PDE4D: variants seen among roughly 807,000 people sequenced by gnomAD.
PDE4D encodes the protein phosphodiesterase 4D, also known as 3',5'-cyclic-AMP phosphodiesterase 4D.
PDE4D carries 24 observed loss-of-function variants against 87.4 expected under a neutral mutation model. The observed-to-expected ratio is 0.27, with a 90% CI of 0.20 to 0.39. PDE4D has a LOEUF of 0.39. Ranked by LOEUF, PDE4D falls within the 10% of genes least tolerant of loss-of-function variation. The pLI, the probability that PDE4D is intolerant of heterozygous loss-of-function variation, is 1.00. For synonymous variants in PDE4D, 384 were observed against 383.2 expected (o/e 1.00, Z -0.02); for missense variants, 714 against 1,041.0 (o/e 0.69, Z 4.32).
At chr5:59,719,720 T>C (rs1212700536) in intron 1 of PDE4D, among the ~76,000 whole-genome samples, 2 of 152,222 alleles carry the variant, frequency 1.3e-5, no homozygotes, top group Admixed American at 1.3e-4. Flanking sequence ...GCTAAGGCTT[T>C]ATTAATACAA....
chr5:60,320,432 G>T lies in PDE4D; in HGVS notation c.-89-134745C>A, dbSNP rs143373655. On this transcript the variant is annotated intron_variant, in intron 1 of 16. Transcript: ENST00000502484. ...ATTCCCTGACCCCTTATGCTTCCTG[G>T]GTGAGGTGATGCCTCGCCCTGCTTT... 7.4e-4 allele frequency among the ~76,000 whole-genome samples: 112 copies of T among 152,248 alleles called. 2 individuals carry two copies. The East Asian group carries it at 0.021, about 29-fold the overall frequency.
chr5:59,458,291 AC>A (rs1455582206), intron 1 of PDE4D, among the ~76,000 whole-genome samples: 2 of 152,254 alleles, frequency 1.3e-5, no homozygotes, highest in African/African-American at 2.4e-5. Flanking sequence ...CATGTCTTGC[AC>A]ATCATAAGCC....
intron 1 of PDE4D, among the ~76,000 whole-genome samples, chr5:60,512,104 T>C (rs1214695572): frequency 6.6e-6 from 1 of 152,090 alleles, no homozygotes; most frequent in East Asian, 1.9e-4. Flanking sequence ...GGAAAACACA[T>C]ACAAGGCAGG....
chr5:59,424,892 C>T (rs6861842), intron 1 of PDE4D, among the ~76,000 whole-genome samples: 1 of 152,182 alleles, frequency 6.6e-6, no homozygotes, highest in Non-Finnish European at 1.5e-5. Context: ...ACCAGGCCAA[C>T]AGGATGGTCG....
At chr5:60,500,237 G>C (rs1057106894) in intron 1 of PDE4D, among the ~76,000 whole-genome samples, 1 of 152,064 alleles carries the variant, frequency 6.6e-6, no homozygotes, top group African/African-American at 2.4e-5. Context: ...CCAAAAGGTC[G>C]AGGCTGCAGT....
intron 2 of PDE4D, among the ~76,000 whole-genome samples, chr5:60,047,601 A>G (rs1216673190): frequency 1.3e-5 from 2 of 151,980 alleles, no homozygotes; most frequent in Non-Finnish European, 2.9e-5. Flanking sequence ...GAACATCTTA[A>G]TTTCTGCCTT....
At chr5:59,919,686 T>G (rs1190091375) in intron 3 of PDE4D, among the ~76,000 whole-genome samples, 2 of 152,206 alleles carry the variant, frequency 1.3e-5, no homozygotes, top group Non-Finnish European at 1.5e-5. Flanking sequence ...TTCTTCCTTC[T>G]TGTGGGAAAG....
chr5:59,038,578 A>G (rs1758973852), intron 6 of PDE4D, among the ~76,000 whole-genome samples: 2 of 152,132 alleles, frequency 1.3e-5, no homozygotes, highest in Non-Finnish European at 1.5e-5. Context: ...CATGGACCCT[A>G]CTGGGTTTCT....
chr5:59,513,735 G>A (rs1309106030), intron 1 of PDE4D, among the ~76,000 whole-genome samples: 1 of 152,130 alleles, frequency 6.6e-6, no homozygotes, highest in Non-Finnish European at 1.5e-5. Flanking sequence ...GAAAAACCAT[G>A]AAACAATGTG....
At chr5:59,679,045 G>A (rs1042183130) in intron 1 of PDE4D, among the ~76,000 whole-genome samples, 1 of 152,108 alleles carries the variant, frequency 6.6e-6, no homozygotes, top group African/African-American at 2.4e-5. Context: ...AGAAGACTTA[G>A]AGACAGTCTT....
chr5:59,842,583 G>T (rs1455612539), intron 1 of PDE4D, among the ~76,000 whole-genome samples: 1 of 151,992 alleles, frequency 6.6e-6, no homozygotes, highest in Non-Finnish European at 1.5e-5. Context: ...ATTATGTAAA[G>T]ATAGTTGAAT....
intron 1 of PDE4D, among the ~76,000 whole-genome samples, chr5:59,582,614 A>C (rs1824372157): frequency 6.6e-6 from 1 of 152,194 alleles, no homozygotes; most frequent in African/African-American, 2.4e-5. Flanking sequence ...AAACAGAATA[A>C]AACAGTATGA....
At chr5:60,271,344 G>A (rs1167093453) in intron 1 of PDE4D, among the ~76,000 whole-genome samples, 1 of 152,006 alleles carries the variant, frequency 6.6e-6, no homozygotes, top group Non-Finnish European at 1.5e-5. Flanking sequence ...AGTCCAATTT[G>A]GTTATATTTT....
intron 3 of PDE4D, 85 bp downstream of exon 3, chr5:59,193,415 A>T: frequency 2.5e-6 from 3 of 1,205,614 alleles, no homozygotes; most frequent in African/African-American, 1.5e-5. Flanking sequence ...ATTTAAAATT[A>T]AATTAAATTA....
At chr5:60,122,182 T>C (rs1159870820) in intron 2 of PDE4D, among the ~76,000 whole-genome samples, 1 of 152,208 alleles carries the variant, frequency 6.6e-6, no homozygotes, top group South Asian at 2.1e-4. Context: ...GCGTTGAGTA[T>C]CTGTGGCTTT....
At chr5:59,164,386 T>C (rs1781581907) in intron 5 of PDE4D, among the ~76,000 whole-genome samples, 1 of 152,252 alleles carries the variant, frequency 6.6e-6, no homozygotes, top group Admixed American at 6.5e-5. Flanking sequence ...AAAAAATGTT[T>C]ATTCAAGAAC....
intron 1 of PDE4D, among the ~76,000 whole-genome samples, chr5:59,741,347 TTTCTG>T (rs1758804641): frequency 6.6e-6 from 1 of 152,184 alleles, no homozygotes; most frequent in African/African-American, 2.4e-5. Context: ...CTGCCTTGTC[TTTCTG>T]TTCTTTTTAA....
chr5:59,380,405 A>AAAAAAAAAAG (rs1554148718), intron 1 of PDE4D, among the ~76,000 whole-genome samples: 2 of 137,920 alleles, frequency 1.5e-5, no homozygotes. Context: ...AAAAAAAAAA[A>AAAAAAAAAAG]AGAGAGAGAA....
chr5:60,314,934 C>T (rs978909493), intron 1 of PDE4D, among the ~76,000 whole-genome samples: 1 of 152,086 alleles, frequency 6.6e-6, no homozygotes, highest in African/African-American at 2.4e-5. Context: ...GTGAATAGTG[C>T]CTCAATAAAC....
Sources: allele counts gnomAD v4.1 joint callset (sites outside exome capture counted in the v4.1 genomes callset), GRCh38; gene constraint gnomAD v4.1.1; transcripts MANE v1.5; gene names NCBI Gene and HGNC (gene_info 2026-07-23, HGNC 2026-07-21).